IMMP2L: variants seen among roughly 807,000 people sequenced by gnomAD.
The protein encoded by IMMP2L is inner mitochondrial membrane peptidase subunit 2.
In IMMP2L, 18 loss-of-function variants were observed where a neutral mutation model predicts 19.3. That is an observed-to-expected ratio of 0.93 (90% CI 0.64 to 1.38). The LOEUF is 1.38. Ranked by LOEUF, IMMP2L falls within the 40% of genes most tolerant of loss-of-function variation. The probability of loss-of-function intolerance (pLI) is 0.00; values close to 1 mark genes in which losing one functional copy is unlikely to be tolerated. For missense variants in IMMP2L, 233 were observed against 218.2 expected, an observed-to-expected ratio of 1.07 and a Z score of -0.43; for synonymous variants, 76 against 73.0, an observed-to-expected ratio of 1.04 and a Z score of -0.21.
At chr7:110,833,483 T>C (rs561618824) in intron 5 of IMMP2L, among the ~76,000 whole-genome samples, 1 of 150,136 alleles carries the variant, frequency 6.7e-6, no homozygotes, top group East Asian at 2.0e-4. Flanking sequence ...ATCACAAAAT[T>C]AGAGTATTTT....
intron 3 of IMMP2L, among the ~76,000 whole-genome samples, chr7:111,416,823 G>T (rs1021614700): frequency 1.3e-5 from 2 of 151,584 alleles, no homozygotes; most frequent in Admixed American, 6.6e-5. Flanking sequence ...GACCACAATT[G>T]AGAGTTTAAT....
intron 3 of IMMP2L, among the ~76,000 whole-genome samples, chr7:111,193,572 T>C (rs540818839): frequency 6.6e-6 from 1 of 152,256 alleles, no homozygotes; most frequent in South Asian, 2.1e-4. Context: ...CCAAGAGTGA[T>C]TATTTGGGAT....
Position 111,213,522 on chromosome 7 carries a change from G to A in IMMP2L, c.240-249957C>T, listed in dbSNP as rs1047665323. On this transcript the variant is annotated intron_variant, in intron 3 of 5. Coordinates refer to ENST00000405709, the MANE Select transcript of IMMP2L (RefSeq NM_032549.4). The surrounding 1 kb of genome is among the most constrained non-coding windows in gnomAD (Gnocchi z 4.8). ...CCCTCCAGGGGCCAGGCTGCTGGTC[G>A]TGCAAACCAGAATGGGAACTTGTGG... is the stretch of plus-strand genomic sequence containing the variant. 1.3e-5 allele frequency among the ~76,000 whole-genome samples: 2 copies of A among 152,152 alleles called. No homozygotes were observed. The highest frequency in any genetic ancestry group is 2.1e-4 in the South Asian group (1 of 4,832).
At chr7:110,916,514 T>C (rs919526415) in intron 4 of IMMP2L, among the ~76,000 whole-genome samples, 12 of 152,210 alleles carry the variant, frequency 7.9e-5, no homozygotes, top group African/African-American at 2.9e-4. Flanking sequence ...AAGTGAATCC[T>C]TGAAGATGTG....
At chr7:111,276,358 G>T (rs1274418891) in intron 3 of IMMP2L, among the ~76,000 whole-genome samples, 2 of 152,018 alleles carry the variant, frequency 1.3e-5, no homozygotes, top group Non-Finnish European at 2.9e-5. Flanking sequence ...CTAGTATTTT[G>T]TTGAGGATTT....
chr7:110,720,231 T>A (rs1335682050), intron 5 of IMMP2L, among the ~76,000 whole-genome samples: 1 of 152,090 alleles, frequency 6.6e-6, no homozygotes, highest in Non-Finnish European at 1.5e-5. Context: ...GGAATTAAGG[T>A]GTGGCTGTTA....
At chr7:111,340,320 T>G (rs1826885547) in intron 3 of IMMP2L, among the ~76,000 whole-genome samples, 1 of 151,988 alleles carries the variant, frequency 6.6e-6, no homozygotes, top group African/African-American at 2.4e-5. Context: ...TCCATTCAAC[T>G]TTTTCCTATG....
chr7:110,954,875 C>T (rs1818209346), intron 4 of IMMP2L, among the ~76,000 whole-genome samples: 1 of 151,980 alleles, frequency 6.6e-6, no homozygotes. Context: ...GAGAGTATCA[C>T]AAAAATAGGT....
At chr7:110,940,404 T>C (rs992120118) in intron 4 of IMMP2L, among the ~76,000 whole-genome samples, 2 of 152,128 alleles carry the variant, frequency 1.3e-5, no homozygotes, top group East Asian at 1.9e-4. Context: ...TTGATGGTTA[T>C]TCATTAGTAA....
chr7:111,518,605 T>C (rs1004487771), intron 2 of IMMP2L, among the ~76,000 whole-genome samples: 1 of 152,114 alleles, frequency 6.6e-6, no homozygotes, highest in Non-Finnish European at 1.5e-5. Flanking sequence ...TTGAACCCCA[T>C]GACATAAACG....
chr7:111,559,223 A>T (rs1791733927), intron 1 of IMMP2L, among the ~76,000 whole-genome samples: 1 of 152,144 alleles, frequency 6.6e-6, no homozygotes, highest in South Asian at 2.1e-4. Context: ...ATGTCTGTGA[A>T]CTTGTCTTTC....
intron 4 of IMMP2L, among the ~76,000 whole-genome samples, chr7:110,948,245 C>T (rs1232510207): frequency 6.6e-6 from 1 of 152,000 alleles, no homozygotes; most frequent in East Asian, 1.9e-4. Context: ...CTCTATAAAA[C>T]AGCAAACAGA....
chr7:111,299,119 C>CT (rs565942922), intron 3 of IMMP2L, among the ~76,000 whole-genome samples: 47 of 152,138 alleles, frequency 3.1e-4, no homozygotes, highest in African/African-American at 1.1e-3. Flanking sequence ...GTCATTGAGA[C>CT]TTAAGAAAAA....
At chr7:110,689,309 AAG>A (rs1468756929) in intron 5 of IMMP2L, among the ~76,000 whole-genome samples, 1 of 152,190 alleles carries the variant, frequency 6.6e-6, no homozygotes, top group Non-Finnish European at 1.5e-5. Flanking sequence ...AAAAGGAGCA[AAG>A]AGATGATTAG....
chr7:111,389,630 A>G (rs999010132), intron 3 of IMMP2L, among the ~76,000 whole-genome samples: 6 of 152,090 alleles, frequency 3.9e-5, no homozygotes, highest in Admixed American at 6.6e-5. Context: ...AGCAACTATA[A>G]TAAAATTTTA....
At chr7:111,526,603 C>G (rs567904150) in intron 1 of IMMP2L, among the ~76,000 whole-genome samples, 1 of 152,280 alleles carries the variant, frequency 6.6e-6, no homozygotes, top group African/African-American at 2.4e-5. Flanking sequence ...CTCTGCTGCT[C>G]TAAGTAGTAC....
chr7:111,145,846 A>T, intron 3 of IMMP2L, among the ~76,000 whole-genome samples: 1 of 152,168 alleles, frequency 6.6e-6, no homozygotes, highest in East Asian at 1.9e-4. Flanking sequence ...TAAAAACACT[A>T]TTCCAAAGGA....
At chr7:111,060,861 A>T (rs1030819700) in intron 3 of IMMP2L, among the ~76,000 whole-genome samples, 2 of 152,170 alleles carry the variant, frequency 1.3e-5, no homozygotes, top group African/African-American at 4.8e-5. Flanking sequence ...TACTGTCCTA[A>T]AACTTTAGCT....
At chr7:111,347,694 T>A (rs932647512) in intron 3 of IMMP2L, among the ~76,000 whole-genome samples, 2 of 151,674 alleles carry the variant, frequency 1.3e-5, no homozygotes, top group South Asian at 2.1e-4. Context: ...GAGTAGAGGG[T>A]TGGGCTTGAG....
Sources: allele counts gnomAD v4.1 joint callset (sites outside exome capture counted in the v4.1 genomes callset), GRCh38; gene constraint gnomAD v4.1.1; non-coding constraint Gnocchi (gnomAD v3.1); transcripts MANE v1.5; gene names NCBI Gene and HGNC (gene_info 2026-07-23, HGNC 2026-07-21).